Variants in RASA3 observed in about 807,000 individuals in gnomAD.
RASA3 encodes ras GTPase-activating protein 3.
Under a neutral mutation model 110.0 loss-of-function variants are expected in RASA3, and 73 were observed. The observed-to-expected ratio is 0.66, with a 90% CI of 0.55 to 0.81. The LOEUF is 0.81. RASA3 is among the 30% of genes least tolerant of loss of function. The pLI is 0.00. For missense variants in RASA3, 976 were observed against 1,113.2 expected, an observed-to-expected ratio of 0.88 and a Z score of 1.75; for synonymous variants, 500 against 451.4, an observed-to-expected ratio of 1.11 and a Z score of -1.37.
intron 1 of RASA3, among the ~76,000 whole-genome samples, chr13:114,080,425 T>A (rs1452122559): frequency 6.6e-6 from 1 of 152,184 alleles, no homozygotes; most frequent in African/African-American, 2.4e-5. Context: ...GGTCTGCCTG[T>A]CGTCCAGTCT....
intron 1 of RASA3, among the ~76,000 whole-genome samples, chr13:114,098,243 A>G (rs1195228738): frequency 1.3e-5 from 2 of 152,002 alleles, no homozygotes; most frequent in Admixed American, 1.3e-4. Flanking sequence ...AGACAGCAGG[A>G]AAAAAAATCA....
intron 1 of RASA3, among the ~76,000 whole-genome samples, chr13:114,082,529 G>A (rs912343430): frequency 2.6e-5 from 4 of 152,224 alleles, no homozygotes; most frequent in East Asian, 3.8e-4. Flanking sequence ...GGACACACGC[G>A]CTTGAATGGA....
intron 23 of RASA3, 35 bp from the exon 24 acceptor site, chr13:113,979,457 G>C (rs1566435164): frequency 1.3e-6 from 2 of 1,515,998 alleles, no homozygotes; most frequent in Admixed American, 3.3e-5. Flanking sequence ...ATGAGGCACA[G>C]ACCCCGTTGC....
At position 114,045,308 on chromosome 13, in the gene RASA3, T is replaced by C. The variant is rs79662676; in HGVS notation, c.278-4214A>G. Among the ~76,000 whole-genome samples the C allele has an allele frequency of 5.7e-3, 869 of 152,356 alleles. 1 individual carries two copies. The highest frequency in any genetic ancestry group is 0.017 in the African/African-American group (692 of 41,580). ...ACACTCTGGGCCTCCCTTTCTCACT[T>C]GGGCAAAGGCGGCTGCCTTCTCACC... On this transcript the variant is annotated intron_variant, in intron 3 of 23. Coordinates refer to ENST00000334062, the MANE Select transcript of RASA3 (RefSeq NM_007368.4).
chr13:114,020,227 CTGT>C (rs1357236545), intron 9 of RASA3, among the ~76,000 whole-genome samples: 16 of 76,422 alleles, frequency 2.1e-4, no homozygotes, highest in Non-Finnish European at 3.0e-4. Context: ...ATTAGCAGCC[CTGT>C]CAGGTGGGTG....
At position 114,015,235 on chromosome 13, in the gene RASA3, C is replaced by A. The variant is rs146927253; in HGVS notation, c.1379G>T (p.Arg460Leu). ...TVMCDIFFSLREAAAKRFQDD... is the reference protein window; with the variant it reads ...TVMCDIFFSLLEAAAKRFQDD... Reference sequence around the variant, plus strand: ...CTGGAAGCGCTTGGCCGCCGCCTCCCGGAGGGAGAAGAAGATGTCACACAT... The same window carrying A: ...CTGGAAGCGCTTGGCCGCCGCCTCCAGGAGGGAGAAGAAGATGTCACACAT... The change falls in exon 14 of 24, where the codon CGG (arginine) becomes CTG (leucine). Residue 460 changes from arginine (R) to leucine (L), a missense_variant. Transcript: ENST00000334062. 1.9e-6 allele frequency: 3 copies of A among 1,612,998 alleles called. No homozygotes were observed. In the African/African-American group the frequency reaches 4.0e-5, roughly 22 times the overall value.
At position 114,052,056 on chromosome 13, in the gene RASA3, G is replaced by A. The variant is rs368435032; in HGVS notation, c.273C>T (p.Ile91=). Residue 91 remains isoleucine, a synonymous_variant, in exon 3 of 24, where the codon ATC becomes ATT. Transcript: ENST00000334062. ...FDRDVFRRDS[I]IGKVAIQKED... ...AAATGCTCATTCATCACCTACCTAT[G>A]ATGGAATCCCTCCGGAAAACGTCTC... 3.4e-5 allele frequency: 55 copies of A among 1,599,808 alleles called. No individual in the cohort carries two copies. The highest frequency in any genetic ancestry group is 4.1e-5 in the Non-Finnish European group (48 of 1,167,566).
intron 1 of RASA3, among the ~76,000 whole-genome samples, chr13:114,126,989 T>C (rs992774833): frequency 2.6e-5 from 4 of 151,984 alleles, no homozygotes; most frequent in African/African-American, 9.7e-5. Context: ...CCACCATCGC[T>C]CAGCAGCCTT....
rs183765159 is a variant in RASA3 at position 114,098,256 on chromosome 13, C to T, written c.56-24419G>A. On this transcript the variant is annotated intron_variant, in intron 1 of 23. Coordinates refer to ENST00000334062, the MANE Select transcript of RASA3 (RefSeq NM_007368.4). ...CAAGACAGCAGGAAAAAAAATCAAA[C>T]GGGAGGCCATGCCCTCTACCCTGGG... Among the ~76,000 whole-genome samples, 29 of 152,268 alleles carry T rather than the reference C, an allele frequency of 1.9e-4. 1 individual carries two copies. The highest frequency in any genetic ancestry group is 1.4e-3 in the East Asian group (7 of 5,172).
chr13:114,120,544 C>G (rs533347872), intron 1 of RASA3, among the ~76,000 whole-genome samples: 1 of 110,598 alleles, frequency 9.0e-6, no homozygotes, highest in African/African-American at 3.3e-5. Context: ...GCCCCTCCCT[C>G]TCTCCAGCCA....
chr13:114,063,479 G>T (rs1244709525), intron 2 of RASA3, among the ~76,000 whole-genome samples: 1 of 151,736 alleles, frequency 6.6e-6, no homozygotes, highest in African/African-American at 2.4e-5. Flanking sequence ...TAGAAGATAC[G>T]AATGGAAATA....
chr13:114,008,046 CTGA>C, intron 17 of RASA3, among the ~76,000 whole-genome samples: 1 of 2,754 alleles, frequency 3.6e-4, no homozygotes, highest in African/African-American at 5.7e-3. Flanking sequence ...CACCGCGTTC[CTGA>C]CTGTGGGGAG....
rs57798569 is a variant in RASA3, at chr13:114,104,001, T to C, written c.55+28434A>G. ...GCCGCCGGCCACAGACACCCACCCC[T>C]GATGCGTTCACACTGCCCCCGGCCA... On this transcript the variant is annotated intron_variant, in intron 1 of 23. Transcript: ENST00000334062. 7.0e-4 allele frequency among the ~76,000 whole-genome samples: 16 copies of C among 22,988 alleles called. 1 individual carries two copies. The highest frequency in any genetic ancestry group is 1.9e-3 in the African/African-American group (14 of 7,288). The allele number at this position is 22,988 out of a possible 152,430, so 15.1% of individuals were successfully genotyped here. A position where few individuals can be genotyped will look rare whatever the true frequency, so the allele number is the denominator to read the frequency against.
At chr13:114,079,253 C>T (rs747019439) in intron 1 of RASA3, among the ~76,000 whole-genome samples, 66 of 152,192 alleles carry the variant, frequency 4.3e-4, no homozygotes, top group Non-Finnish European at 6.3e-4. Flanking sequence ...GTCATCACGG[C>T]GTTTTACTCA....
intron 12 of RASA3, among the ~76,000 whole-genome samples, chr13:114,016,811 G>T (rs2139293835): frequency 6.6e-6 from 1 of 152,332 alleles, no homozygotes; most frequent in East Asian, 1.9e-4. Context: ...ATAAACGGGG[G>T]GCACAGCCTG....
At chr13:114,037,610 T>C (rs1299521559) in intron 4 of RASA3, among the ~76,000 whole-genome samples, 1 of 152,174 alleles carries the variant, frequency 6.6e-6, no homozygotes, top group African/African-American at 2.4e-5. Flanking sequence ...TATACAATAT[T>C]ATGAATATAT....
At chr13:114,023,403 C>G (rs1343752125) in intron 8 of RASA3, among the ~76,000 whole-genome samples, 1 of 152,196 alleles carries the variant, frequency 6.6e-6, no homozygotes, top group East Asian at 1.9e-4. Context: ...CAGGAGGGAG[C>G]CGTTTCCTTC....
rs1566501741 is a variant in RASA3 at position 114,030,465 on chromosome 13, GGGC to G, written c.373-581_373-579del. Among the ~76,000 whole-genome samples, 14 of 103,676 alleles carry G rather than the reference GGGC, an allele frequency of 1.4e-4. 1 individual carries two copies. The highest frequency in any genetic ancestry group is 5.3e-4 in the African/African-American group (14 of 26,390). 68.0% of individuals were successfully genotyped at this position (103,676 alleles called of 152,430 possible). On this transcript the variant is annotated intron_variant, in intron 4 of 23. Transcript: ENST00000334062. ...ACACAGAGGGCAAGGCTCACACAGAGGGCAAGGCTCACACAGAGGGCAAGACTC... is the reference window on the plus strand; with the variant it reads ...ACACAGAGGGCAAGGCTCACACAGAGAAGGCTCACACAGAGGGCAAGACTC...
Position 114,014,052 on chromosome 13 carries a change from G to T in RASA3, c.1406-804C>A, listed in dbSNP as rs1350524700. On this transcript the variant is annotated intron_variant, in intron 14 of 23. Coordinates refer to ENST00000334062, the MANE Select transcript of RASA3 (RefSeq NM_007368.4). This position sits in a 1 kb window ranked among gnomAD's most constrained non-coding sequence, Gnocchi z 4.5. Reference sequence around the variant, plus strand: ...TCTCTCCGTCTCTATCTCTCTCTCCGTCTGTCTCTGCCTCTCTCTCCGTCT... The same window carrying T: ...TCTCTCCGTCTCTATCTCTCTCTCCTTCTGTCTCTGCCTCTCTCTCCGTCT... Among the ~76,000 whole-genome samples the T allele has an allele frequency of 3.6e-5, 3 of 83,014 alleles. No homozygotes were observed. Among genetic ancestry groups the T allele is most frequent in the Non-Finnish European group, 8.1e-5 (3 of 36,928 alleles). The allele number at this position is 83,014 out of a possible 152,430, so 54.5% of individuals were successfully genotyped here. A position where few individuals can be genotyped will look rare whatever the true frequency, so the allele number is the denominator to read the frequency against.
Sources: allele counts gnomAD v4.1 joint callset (sites outside exome capture counted in the v4.1 genomes callset), GRCh38; gene constraint gnomAD v4.1.1; non-coding constraint Gnocchi (gnomAD v3.1); transcripts MANE v1.5; gene names NCBI Gene and HGNC (gene_info 2026-07-23, HGNC 2026-07-21).